The following CALN1 variants were observed in gnomAD, a reference collection of about 807,000 sequenced individuals.
CALN1 encodes calcium-binding protein 8.
A neutral mutation model predicts 30.6 loss-of-function variants in CALN1; 17 were observed. The observed-to-expected ratio is 0.56, with a 90% confidence interval of 0.38 to 0.83. The LOEUF is 0.83. Among genes scored for constraint, CALN1 ranks in the 40% least tolerant of loss-of-function variants. The pLI is 0.00. For missense variants in CALN1, 291 were observed against 354.9 expected (o/e 0.82, Z 1.45); for synonymous variants, 156 against 131.4 (o/e 1.19, Z -1.28).
intron 5 of CALN1, among the ~76,000 whole-genome samples, chr7:71,990,185 CT>C (rs1212502388): frequency 6.6e-6 from 1 of 152,156 alleles, no homozygotes; most frequent in Non-Finnish European, 1.5e-5. Context: ...AAAGTGACCC[CT>C]GGTCGTCCTC....
intron 3 of CALN1, among the ~76,000 whole-genome samples, chr7:72,167,399 C>T (rs562324130): frequency 1.6e-4 from 25 of 152,302 alleles, no homozygotes; most frequent in African/African-American, 6.0e-4. Context: ...GCTTGGAATA[C>T]AGTGATGCGA....
intron 5 of CALN1, among the ~76,000 whole-genome samples, chr7:71,857,755 G>A (rs149655152): frequency 5.7e-4 from 87 of 152,214 alleles, no homozygotes; most frequent in Middle Eastern, 3.4e-3. Context: ...CCATGGGAGA[G>A]GGCCCAAGGA....
At chr7:72,351,040 C>A (rs193023761) in intron 2 of CALN1, among the ~76,000 whole-genome samples, 1 of 152,224 alleles carries the variant, frequency 6.6e-6, no homozygotes, top group East Asian at 1.9e-4. Context: ...ACTCGGGAGG[C>A]TGAAGCAGGA....
intron 3 of CALN1, among the ~76,000 whole-genome samples, chr7:72,222,233 G>A (rs200990237): frequency 1.1e-4 from 16 of 147,294 alleles, no homozygotes; most frequent in East Asian, 2.0e-4. Flanking sequence ...CTCAAAAAAA[G>A]AAAAAAAAAA....
chr7:72,206,733 T>G, intron 3 of CALN1, among the ~76,000 whole-genome samples: 1 of 152,230 alleles, frequency 6.6e-6, no homozygotes, highest in Non-Finnish European at 1.5e-5. Context: ...CTTTACTTCT[T>G]GAAGAATATG....
intron 4 of CALN1, among the ~76,000 whole-genome samples, chr7:72,102,027 C>T (rs1806704823): frequency 6.6e-6 from 1 of 152,124 alleles, no homozygotes; most frequent in African/African-American, 2.4e-5. Context: ...AGTCATTTTT[C>T]AAAGCTTATT....
intron 2 of CALN1, among the ~76,000 whole-genome samples, chr7:72,341,110 T>C (rs1049764451): frequency 6.6e-6 from 1 of 152,166 alleles, no homozygotes; most frequent in African/African-American, 2.4e-5. Context: ...GTTGACAGGA[T>C]CTCCATAAGA....
chr7:71,862,771 A>G (rs897561398), intron 5 of CALN1, among the ~76,000 whole-genome samples: 12 of 152,180 alleles, frequency 7.9e-5, no homozygotes, highest in Non-Finnish European at 1.3e-4. Context: ...CGTTTCTTCT[A>G]AGTAAGGCAA....
At chr7:71,967,182 T>G (rs565877628) in intron 5 of CALN1, among the ~76,000 whole-genome samples, 1 of 152,266 alleles carries the variant, frequency 6.6e-6, no homozygotes, top group South Asian at 2.1e-4. Flanking sequence ...AGGCAAAGAT[T>G]TTTTAGATAA....
intron 3 of CALN1, among the ~76,000 whole-genome samples, chr7:72,188,290 T>C (rs1042729839): frequency 2.6e-5 from 4 of 152,122 alleles, no homozygotes; most frequent in Non-Finnish European, 4.4e-5. Flanking sequence ...AATACACACA[T>C]ATGTACATGT....
At chr7:72,053,660 CA>C (rs1437347198) in intron 4 of CALN1, among the ~76,000 whole-genome samples, 6 of 151,660 alleles carry the variant, frequency 4.0e-5, no homozygotes, top group Non-Finnish European at 8.8e-5. Context: ...TTTATTTTTC[CA>C]TAAGTTACTG....
chr7:72,429,302 C>T (rs1345813974), intron 1 of CALN1, among the ~76,000 whole-genome samples: 3 of 152,148 alleles, frequency 2.0e-5, no homozygotes, highest in South Asian at 2.1e-4. Context: ...CTATGAGTCC[C>T]GTCAGAGCAG....
At chr7:72,025,688 C>G (rs1801010375) in intron 4 of CALN1, among the ~76,000 whole-genome samples, 1 of 152,182 alleles carries the variant, frequency 6.6e-6, no homozygotes, top group Admixed American at 6.5e-5. Flanking sequence ...GCAACTCCAT[C>G]AAAAGTTCAC....
intron 2 of CALN1, among the ~76,000 whole-genome samples, chr7:72,317,062 G>GAGAGAGAGAA (rs1554367020): frequency 1.4e-4 from 14 of 98,560 alleles, no homozygotes; most frequent in Non-Finnish European, 2.5e-4. Flanking sequence ...AAGAGAGAGA[G>GAGAGAGAGAA]AGAAAGAGAG....
intron 2 of CALN1, among the ~76,000 whole-genome samples, chr7:72,401,421 T>C (rs956596711): frequency 7.9e-5 from 12 of 152,038 alleles, no homozygotes; most frequent in Admixed American, 5.9e-4. Context: ...ACAAAGAAAA[T>C]CTTTAAGGAA....
rs374496485 is a variant in CALN1 at position 72,046,653 on chromosome 7, T to C, written c.389-22884A>G. ...TGAACCCAGGAGGCAGAGGTTGCAG[T>C]GAGCCGAGATCACGCCATTGTACTC... On this transcript the variant is annotated intron_variant, in intron 4 of 6. Transcript: ENST00000395275. 3.1e-4 allele frequency among the ~76,000 whole-genome samples: 41 copies of C among 134,204 alleles called. No homozygotes were observed. The East Asian group carries it at 3.9e-3, about 13-fold the overall frequency. 88.0% of individuals were successfully genotyped at this position (134,204 alleles called of 152,430 possible). A position where few individuals can be genotyped will look rare whatever the true frequency, so the allele number is the denominator to read the frequency against.
chr7:72,043,044 A>G (rs1052932030), intron 4 of CALN1, among the ~76,000 whole-genome samples: 1 of 152,214 alleles, frequency 6.6e-6, no homozygotes, highest in African/African-American at 2.4e-5. Flanking sequence ...GAATAGATGC[A>G]TGGCTTCTCG....
At chr7:71,859,422 T>TCTATCAC (rs1791145550) in intron 5 of CALN1, among the ~76,000 whole-genome samples, 1 of 152,212 alleles carries the variant, frequency 6.6e-6, no homozygotes, top group African/African-American at 2.4e-5. Flanking sequence ...TTGATGTGTT[T>TCTATCAC]CTATCACTTT....
rs1033229233 is a variant in CALN1, at chr7:72,355,056, G to C, written c.119+48195C>G. Among the ~76,000 whole-genome samples, 5 of 152,078 alleles carry C rather than the reference G, an allele frequency of 3.3e-5. No homozygotes were observed. In the South Asian group the frequency reaches 1.0e-3, roughly 32 times the overall value. On this transcript the variant is annotated intron_variant, in intron 2 of 6. Transcript: ENST00000395275. ...CCGGAATAGCTGGGACTACAGGCTT[G>C]CGCCACCATGCCCGGCTAATTTTTG...
Sources: allele counts gnomAD v4.1 joint callset (sites outside exome capture counted in the v4.1 genomes callset), GRCh38; gene constraint gnomAD v4.1.1; transcripts MANE v1.5; gene names NCBI Gene and HGNC (gene_info 2026-07-23, HGNC 2026-07-21).